The following ASTN2 variants were observed in gnomAD, a reference collection of about 807,000 sequenced individuals.
The protein encoded by ASTN2 is astrotactin-2.
In ASTN2, 54 loss-of-function variants were observed where a neutral mutation model predicts 139.8. The observed-to-expected ratio is 0.39, with a 90% confidence interval of 0.31 to 0.48. The LOEUF (loss-of-function observed/expected upper bound fraction) is 0.48, where lower values mean the gene tolerates loss of function less well. Ranked by LOEUF, ASTN2 falls within the 20% of genes least tolerant of loss-of-function variation. ASTN2 has a pLI of 0.95. For synonymous variants in ASTN2, 756 were observed against 719.5 expected (o/e 1.05, Z -0.81); for missense variants, 1,565 against 1,725.1 (o/e 0.91, Z 1.64).
At chr9:117,180,932 G>T in intron 3 of ASTN2, 3 of 1,595,454 alleles carry the variant, frequency 1.9e-6, no homozygotes, top group Non-Finnish European at 2.6e-6. Flanking sequence ...AGCTTGGTGT[G>T]GATGGACATG....
intron 3 of ASTN2, among the ~76,000 whole-genome samples, chr9:117,195,249 G>A (rs1489246665): frequency 1.3e-5 from 2 of 152,204 alleles, no homozygotes; most frequent in Non-Finnish European, 2.9e-5. Context: ...AGAATGATGA[G>A]AGAGAGCCAT....
chr9:117,301,117 C>T (rs1834865564), intron 1 of ASTN2, among the ~76,000 whole-genome samples: 1 of 152,158 alleles, frequency 6.6e-6, no homozygotes, highest in African/African-American at 2.4e-5. Context: ...TAGAGGGTTG[C>T]TGGAATTGAT....
chr9:116,733,273 C>A (rs1015677858), intron 14 of ASTN2, 126 bp downstream of exon 14: 11 of 1,330,840 alleles, frequency 8.3e-6, no homozygotes, highest in Non-Finnish European at 1.1e-5. Context: ...CTTCCCATAC[C>A]CTTCCTCATG....
At chr9:117,296,432 C>A (rs1834739610) in intron 1 of ASTN2, among the ~76,000 whole-genome samples, 1 of 151,916 alleles carries the variant, frequency 6.6e-6, no homozygotes, top group African/African-American at 2.4e-5. Context: ...GTCCTGTGTC[C>A]CTTAAAAACA....
intron 13 of ASTN2, among the ~76,000 whole-genome samples, chr9:116,746,615 C>T (rs980650116): frequency 4.6e-5 from 7 of 152,192 alleles, no homozygotes; most frequent in African/African-American, 1.7e-4. Flanking sequence ...GAGACATGGA[C>T]ATCTTGCATT....
At chr9:116,640,033 A>G (rs1256438456) in intron 17 of ASTN2, among the ~76,000 whole-genome samples, 1 of 152,148 alleles carries the variant, frequency 6.6e-6, no homozygotes, top group Non-Finnish European at 1.5e-5. Flanking sequence ...ACCTGGTTTC[A>G]TGAAGTTTAC....
chr9:116,788,151 G>A (rs1379678471), intron 13 of ASTN2, among the ~76,000 whole-genome samples: 2 of 152,138 alleles, frequency 1.3e-5, no homozygotes, highest in Non-Finnish European at 2.9e-5. Flanking sequence ...GGTTATCAGA[G>A]GCAGGGGGTG....
intron 5 of ASTN2, among the ~76,000 whole-genome samples, chr9:117,045,975 TGTATGTACGTAC>T (rs1439882264): frequency 4.9e-5 from 5 of 102,022 alleles, no homozygotes; most frequent in Non-Finnish European, 1.1e-4. Flanking sequence ...TATGTATGTA[TGTATGTACGTAC>T]GTACGTATGT....
chr9:117,332,145 C>CT (rs986892168), intron 1 of ASTN2, among the ~76,000 whole-genome samples: 2 of 152,092 alleles, frequency 1.3e-5, no homozygotes, highest in Non-Finnish European at 2.9e-5. Flanking sequence ...AACTTGTTTT[C>CT]TTTTTTTTGA....
At chr9:116,758,348 C>A (rs1295842448) in intron 13 of ASTN2, among the ~76,000 whole-genome samples, 2 of 152,130 alleles carry the variant, frequency 1.3e-5, no homozygotes, top group African/African-American at 2.4e-5. Flanking sequence ...ACTTCCTGAG[C>A]AGTATGGGCT....
intron 13 of ASTN2, among the ~76,000 whole-genome samples, chr9:116,781,110 G>T (rs1830208619): frequency 6.6e-6 from 1 of 152,102 alleles, no homozygotes; most frequent in African/African-American, 2.4e-5. Flanking sequence ...AAAGTGTTGG[G>T]ATTACATGAG....
chr9:116,689,492 A>G (rs1460454475), intron 16 of ASTN2, among the ~76,000 whole-genome samples: 1 of 152,186 alleles, frequency 6.6e-6, no homozygotes, highest in Non-Finnish European at 1.5e-5. Flanking sequence ...ATTCAGTTTT[A>G]CACATGAGGA....
At chr9:116,932,035 G>A (rs1043973913) in intron 10 of ASTN2, among the ~76,000 whole-genome samples, 10 of 152,116 alleles carry the variant, frequency 6.6e-5, no homozygotes, top group Non-Finnish European at 1.0e-4. Context: ...AGGGGGAAGG[G>A]GTAGTAGAGT....
At chr9:117,089,170 G>A (rs1360839312) in intron 5 of ASTN2, among the ~76,000 whole-genome samples, 2 of 152,192 alleles carry the variant, frequency 1.3e-5, no homozygotes, top group African/African-American at 4.8e-5. Flanking sequence ...CAGTCTTGAT[G>A]ACATATGATG....
intron 6 of ASTN2, among the ~76,000 whole-genome samples, chr9:117,023,181 T>C (rs919538919): frequency 1.3e-5 from 2 of 152,112 alleles, no homozygotes; most frequent in Non-Finnish European, 2.9e-5. Flanking sequence ...CAAAGAATAC[T>C]GCTCAGAGCT....
chr9:117,138,021 G>A (rs1048138266), intron 4 of ASTN2, among the ~76,000 whole-genome samples: 2 of 152,126 alleles, frequency 1.3e-5, no homozygotes, highest in Non-Finnish European at 2.9e-5. Context: ...CAATATGAGA[G>A]CTATAAAGCT....
chr9:117,158,929 A>G (rs1242375093), intron 3 of ASTN2, among the ~76,000 whole-genome samples: 1 of 151,826 alleles, frequency 6.6e-6, no homozygotes, highest in Admixed American at 6.6e-5. Context: ...CCTTCAGCAA[A>G]GTCTCCATCC....
At chr9:116,720,179 A>C (rs1051928888) in intron 16 of ASTN2, among the ~76,000 whole-genome samples, 2 of 152,300 alleles carry the variant, frequency 1.3e-5, no homozygotes, top group South Asian at 4.1e-4. Context: ...ACTCCTTTAA[A>C]AAGTAGTCTG....
At chr9:116,776,763 A>C (rs1830096496) in intron 13 of ASTN2, among the ~76,000 whole-genome samples, 1 of 152,168 alleles carries the variant, frequency 6.6e-6, no homozygotes, top group Non-Finnish European at 1.5e-5. Context: ...TAGGAAGCTA[A>C]TGAGTAAGTA....
Sources: allele counts gnomAD v4.1 joint callset (sites outside exome capture counted in the v4.1 genomes callset), GRCh38; gene constraint gnomAD v4.1.1; transcripts MANE v1.5; gene names NCBI Gene and HGNC (gene_info 2026-07-23, HGNC 2026-07-21).